Variants in PSMD12 observed in about 807,000 individuals in gnomAD.
The protein encoded by PSMD12 is 26S proteasome non-ATPase regulatory subunit 12.
Under a neutral mutation model 62.9 loss-of-function variants are expected in PSMD12, and 8 were observed. The ratio of observed to expected loss-of-function variants is 0.13; its 90% confidence interval spans 0.07 to 0.23. The LOEUF (loss-of-function observed/expected upper bound fraction) is 0.23. Among genes scored for constraint, PSMD12 ranks in the 10% least tolerant of loss-of-function variants. The probability of loss-of-function intolerance (pLI) is 1.00; values close to 1 mark genes in which losing one functional copy is unlikely to be tolerated. For missense variants in PSMD12, 424 were observed against 550.2 expected (o/e 0.77, Z 2.29); for synonymous variants, 173 against 187.4 (o/e 0.92, Z 0.63).
At chr17:67,360,132 C>T (rs1200775865) in intron 1 of PSMD12, among the ~76,000 whole-genome samples, 1 of 152,158 alleles carries the variant, frequency 6.6e-6, no homozygotes, top group Non-Finnish European at 1.5e-5. Context: ...TCAAAGTCAT[C>T]TCTATGGTTA....
intron 1 of PSMD12, among the ~76,000 whole-genome samples, chr17:67,366,010 T>C (rs2042175378): frequency 1.3e-5 from 2 of 152,168 alleles, no homozygotes; most frequent in Admixed American, 6.5e-5. Flanking sequence ...ATAGCCATGA[T>C]CCACAAACGA....
intron 9 of PSMD12, 108 bp from the exon 10 acceptor site, chr17:67,342,371 G>A (rs997380005): frequency 2.7e-6 from 2 of 730,718 alleles, no homozygotes; most frequent in South Asian, 3.8e-5. Context: ...TAGACTCAGA[G>A]CTTTTATTTT....
intron 1 of PSMD12, among the ~76,000 whole-genome samples, chr17:67,359,261 G>A (rs561171141): frequency 4.5e-4 from 69 of 152,196 alleles, no homozygotes; most frequent in Non-Finnish European, 7.9e-4. Flanking sequence ...AGGCTGAGGC[G>A]GAAGAATCAC....
intron 1 of PSMD12, 58 bp downstream of exon 1, chr17:67,366,354 G>T (rs376373315): frequency 4.0e-6 from 6 of 1,510,706 alleles, no homozygotes; most frequent in South Asian, 3.5e-5. Flanking sequence ...GCCTAAGCAG[G>T]CTCCGCGCCG....
At chr17:67,357,779 TA>T (rs752659833) in intron 1 of PSMD12, among the ~76,000 whole-genome samples, 7 of 152,226 alleles carry the variant, frequency 4.6e-5, no homozygotes, top group Non-Finnish European at 1.0e-4. Context: ...AGTGGTTCCC[TA>T]CTTGAAGCCC....
At chr17:67,347,076 T>C in intron 7 of PSMD12, 40 bp downstream of exon 7, 2 of 1,552,006 alleles carry the variant, frequency 1.3e-6, no homozygotes, top group South Asian at 1.2e-5. Flanking sequence ...ATTACTCTTC[T>C]GAATAAGAAG....
At chr17:67,343,543 C>T (rs905018928) in intron 9 of PSMD12, among the ~76,000 whole-genome samples, 1 of 152,144 alleles carries the variant, frequency 6.6e-6, no homozygotes, top group African/African-American at 2.4e-5. Context: ...CCTCAATCAT[C>T]GATTCATCCG....
At position 67,366,534 on chromosome 17, in the gene PSMD12, CGTCCCTTGCT is replaced by C; in HGVS notation, c.-25_-16del. ...CCGTCCGCCATGGTCCCCGCCTGAG[CGTCCCTTGCT>C]GTCCCCCTGCTTCGGCCACCACTCG... On this transcript the variant is annotated 5_prime_UTR_variant, in exon 1 of 11. Transcript: ENST00000356126. 6.3e-7 allele frequency: 1 copy of C among 1,593,316 alleles called. No individual in the cohort carries two copies. Among genetic ancestry groups the C allele is most frequent in the Non-Finnish European group, 8.5e-7 (1 of 1,171,530 alleles).
At chr17:67,349,339 C>G (rs1167822192) in intron 4 of PSMD12, among the ~76,000 whole-genome samples, 1 of 152,220 alleles carries the variant, frequency 6.6e-6, no homozygotes, top group Non-Finnish European at 1.5e-5. Flanking sequence ...TATTCTTTAA[C>G]CCAGCTATAA....
At chr17:67,341,465 G>GA (rs1373100141) in intron 10 of PSMD12, among the ~76,000 whole-genome samples, 1 of 56,932 alleles carries the variant, frequency 1.8e-5, no homozygotes, top group African/African-American at 1.1e-4. Context: ...GTGAGACTCT[G>GA]CCTCAAAAAA....
At chr17:67,350,394 T>C in intron 3 of PSMD12, 58 bp from the exon 4 acceptor site, 1 of 1,276,554 alleles carries the variant, frequency 7.8e-7, no homozygotes, top group Admixed American at 2.4e-5. Context: ...CGAAAAAATG[T>C]ATTTTATTGA....
chr17:67,347,160 A>C lies in PSMD12; in HGVS notation c.751T>G (p.Tyr251Asp). 1 of 1,613,404 alleles carries C rather than the reference A, an allele frequency of 6.2e-7. No homozygotes were observed. Among genetic ancestry groups the C allele is most frequent in the Non-Finnish European group, 8.5e-7 (1 of 1,179,546 alleles). Residue 251 changes from tyrosine to aspartate, a missense_variant, in exon 7 of 11, where the codon TAT becomes GAT. Transcript: ENST00000356126. ...TCTGCCTGTATACAGGGAGTATCAT[A>C]TATTGCTCTGTAGTGCTTACAAATA... ...LSICKHYRAI[Y>D]DTPCIQAESE... is the part of the protein sequence containing the mutation.
At chr17:67,357,207 A>G in intron 3 of PSMD12, 96 bp downstream of exon 3, 1 of 1,369,530 alleles carries the variant, frequency 7.3e-7, no homozygotes, top group Non-Finnish European at 9.8e-7. Context: ...TACAACGTTG[A>G]CTTAACACAT....
At position 67,341,003 on chromosome 17, in the gene PSMD12, G is replaced by A. The variant is rs1259000374; in HGVS notation, c.1211C>T (p.Ala404Val). The change falls in exon 11 of 11, where the codon GCT (alanine) becomes GTT (valine). Residue 404 changes from alanine (A) to valine (V), a missense_variant. Ala to Val is a moderately conservative substitution (Grantham distance 64). Transcript: ENST00000356126. ...SNLVVNKTIFAKVDRLAGIIN... is the reference protein window; with the variant it reads ...SNLVVNKTIFVKVDRLAGIIN... Reference sequence around the variant, plus strand: ...AATTCCTGCTAATCTGTCTACTTTAGCAAAGATGGTCTTGTTAACTACTAG... The same window carrying A: ...AATTCCTGCTAATCTGTCTACTTTAACAAAGATGGTCTTGTTAACTACTAG... 1 of 1,557,436 alleles carries A rather than the reference G, an allele frequency of 6.4e-7. No individual in the cohort carries two copies. Among genetic ancestry groups the A allele is most frequent in the African/African-American group, 1.4e-5 (1 of 70,622 alleles).
chr17:67,356,932 C>A (rs1343651622), intron 3 of PSMD12, among the ~76,000 whole-genome samples: 4 of 151,982 alleles, frequency 2.6e-5, no homozygotes, highest in Non-Finnish European at 5.9e-5. Context: ...ACTGCTTGAG[C>A]CCAGGAGGTT....
chr17:67,359,517 C>T (rs750579819), intron 1 of PSMD12, among the ~76,000 whole-genome samples: 2 of 151,982 alleles, frequency 1.3e-5, no homozygotes, highest in African/African-American at 2.4e-5. Context: ...ATGGATGATA[C>T]GTGAGTACTA....
intron 1 of PSMD12, among the ~76,000 whole-genome samples, chr17:67,363,579 C>T (rs2042153575): frequency 6.6e-6 from 1 of 152,166 alleles, no homozygotes; most frequent in South Asian, 2.1e-4. Context: ...ACCACTTAAG[C>T]TGCCTGAAGC....
intron 9 of PSMD12, among the ~76,000 whole-genome samples, chr17:67,343,380 A>C (rs1193871259): frequency 6.6e-6 from 1 of 152,272 alleles, no homozygotes; most frequent in East Asian, 1.9e-4. Context: ...TGCCTTATTT[A>C]AAATCCATGT....
intron 3 of PSMD12, 129 bp from the exon 4 acceptor site, chr17:67,350,465 A>G: frequency 1.8e-6 from 1 of 549,248 alleles, no homozygotes; most frequent in Non-Finnish European, 3.1e-6. Flanking sequence ...AATGTCATAA[A>G]GAACATCACA....
Sources: gnomAD v4.1 joint callset for allele counts (sites outside exome capture counted in the v4.1 genomes callset) on GRCh38, gnomAD v4.1.1 for gene constraint, MANE v1.5 for transcripts, NCBI Gene and HGNC (gene_info 2026-07-23, HGNC 2026-07-21) for gene names.